The following SULT2B1 variants were observed in gnomAD, a reference collection of about 807,000 sequenced individuals.
The protein encoded by SULT2B1 is sulfotransferase family 2B member 1.
Under a neutral mutation model 33.2 loss-of-function variants are expected in SULT2B1, and 16 were observed. The ratio of observed to expected loss-of-function variants is 0.48; its 90% CI spans 0.33 to 0.73. The LOEUF (loss-of-function observed/expected upper bound fraction) is 0.73, where lower values mean the gene tolerates loss of function less well. SULT2B1 is among the 30% of genes least tolerant of loss of function. The probability of loss-of-function intolerance (pLI) is 0.02; values close to 1 mark genes in which losing one functional copy is unlikely to be tolerated. For missense variants in SULT2B1, 500 were observed against 506.0 expected (o/e 0.99, Z 0.11); for synonymous variants, 186 against 200.5 (o/e 0.93, Z 0.61).
chr19:48,554,411 C>T lies in SULT2B1; in HGVS notation c.71+2088C>T, dbSNP rs532690917. ...CCTGGCCCCGACTTCCCCCTCTGCT[C>T]GCCCCCAGCCTGTCAGTCCCCAACC... On this transcript the variant is annotated intron_variant, in intron 1 of 6. Coordinates refer to ENST00000201586, the MANE Select transcript of SULT2B1 (RefSeq NM_177973.2). Among the ~76,000 whole-genome samples the T allele has an allele frequency of 5.7e-3, 835 of 146,502 alleles. 3 individuals are homozygous for T. Among genetic ancestry groups the T allele is most frequent in the African/African-American group, 9.3e-3 (366 of 39,418 alleles).
intron 2 of SULT2B1, among the ~76,000 whole-genome samples, chr19:48,579,384 G>A (rs192424032): frequency 6.7e-4 from 101 of 149,832 alleles, no homozygotes; most frequent in Admixed American, 4.2e-3. Flanking sequence ...CCGAGTTCAC[G>A]CCATTCTCTT....
chr19:48,598,977 A>G (rs1260287233), intron 6 of SULT2B1, among the ~76,000 whole-genome samples, 158 bp from the exon 7 acceptor site: 1 of 152,052 alleles, frequency 6.6e-6, no homozygotes, highest in East Asian at 1.9e-4. Context: ...ACCATAGGAC[A>G]CAAAGGGGGC....
intron 5 of SULT2B1, 37 bp downstream of exon 5, chr19:48,592,853 C>G (rs759199438): frequency 7.2e-6 from 11 of 1,524,026 alleles, no homozygotes; most frequent in Non-Finnish European, 8.0e-6. Flanking sequence ...GCGTCCCCCC[C>G]ATACCCTCTG....
At chr19:48,581,885 TTATTA>T (rs1555733980) in intron 2 of SULT2B1, among the ~76,000 whole-genome samples, 2 of 113,710 alleles carry the variant, frequency 1.8e-5, no homozygotes, top group African/African-American at 3.1e-5. Flanking sequence ...TTTATTATTA[TTATTA>T]TATTATTATT....
At chr19:48,591,563 G>T (rs1973642725) in intron 3 of SULT2B1, 46 bp from the exon 4 acceptor site, 1 of 1,583,286 alleles carries the variant, frequency 6.3e-7, no homozygotes, top group South Asian at 1.2e-5. Context: ...CTGGGGTCTT[G>T]CCTGTGTCTG....
At chr19:48,581,647 C>T (rs1346380255) in intron 2 of SULT2B1, among the ~76,000 whole-genome samples, 7 of 149,154 alleles carry the variant, frequency 4.7e-5, no homozygotes, top group South Asian at 2.1e-4. Context: ...TTAGTAGAGA[C>T]GGGGTTTCAC....
intron 3 of SULT2B1, among the ~76,000 whole-genome samples, chr19:48,588,795 G>A (rs1180932428): frequency 6.6e-6 from 1 of 151,910 alleles, no homozygotes; most frequent in East Asian, 1.9e-4. Flanking sequence ...GGTTTCTAGA[G>A]GAAGAGCATT....
intron 6 of SULT2B1, among the ~76,000 whole-genome samples, chr19:48,597,543 C>T (rs1463234368): frequency 1.3e-5 from 2 of 152,002 alleles, no homozygotes; most frequent in African/African-American, 4.8e-5. Context: ...TGGAGTTTCA[C>T]CATGTTGGTC....
rs564914162 is a variant in SULT2B1, at chr19:48,595,359, T to C, written c.646-1380T>C. On this transcript the variant is annotated intron_variant, in intron 5 of 6. Coordinates refer to ENST00000201586, the MANE Select transcript of SULT2B1 (RefSeq NM_177973.2). ...GAGCTCCTCTCTGGCTGTGTGGCCT[T>C]GGACAAGTGTCTCTCCCTCTCTGGG... 3.6e-4 allele frequency among the ~76,000 whole-genome samples: 55 copies of C among 152,156 alleles called. 1 individual carries two copies. The highest frequency in any genetic ancestry group is 3.4e-3 in the Middle Eastern group (1 of 292).
At chr19:48,574,021 C>T (rs1973368123) in intron 1 of SULT2B1, among the ~76,000 whole-genome samples, 1 of 152,192 alleles carries the variant, frequency 6.6e-6, no homozygotes, top group South Asian at 2.1e-4. Flanking sequence ...CTACCACAGT[C>T]GGCTAATTTT....
In SULT2B1 at chr19:48,581,029, C is replaced by CTTTTTTTTT. The variant is rs57093444; in HGVS notation, c.214+4962_214+4970dup. On this transcript the variant is annotated intron_variant, in intron 2 of 6. Transcript: ENST00000201586. ...TGCTCATTAGCCATCATATATATTC[C>CTTTTTTTTT]TTTTTTTTTTTTTTTTTTTTTTTTG... Among the ~76,000 whole-genome samples the CTTTTTTTTT allele has an allele frequency of 5.5e-4, 36 of 65,092 alleles. 1 individual carries two copies. Among genetic ancestry groups the CTTTTTTTTT allele is most frequent in the African/African-American group, 7.1e-4 (11 of 15,544 alleles). 42.7% of individuals were successfully genotyped at this position (65,092 alleles called of 152,430 possible).
intron 1 of SULT2B1, among the ~76,000 whole-genome samples, chr19:48,563,730 C>T (rs545029182): frequency 5.9e-5 from 9 of 152,064 alleles, no homozygotes; most frequent in South Asian, 4.2e-4. Flanking sequence ...TTTGGGAGGC[C>T]GAGGTGGGTG....
intron 1 of SULT2B1, among the ~76,000 whole-genome samples, chr19:48,558,516 C>A (rs1312414759): frequency 6.6e-6 from 1 of 152,026 alleles, no homozygotes; most frequent in Non-Finnish European, 1.5e-5. Flanking sequence ...GGCGCCGGCA[C>A]CTTCTGATCT....
intron 2 of SULT2B1, 54 bp downstream of exon 2, chr19:48,576,137 G>A: frequency 1.4e-6 from 2 of 1,460,904 alleles, no homozygotes; most frequent in Non-Finnish European, 1.9e-6. Context: ...AGGGGGTGCG[G>A]CAGAGGACAG....
At chr19:48,573,574 G>A (rs187760337) in intron 1 of SULT2B1, among the ~76,000 whole-genome samples, 3 of 152,132 alleles carry the variant, frequency 2.0e-5, no homozygotes, top group Admixed American at 6.6e-5. Context: ...TGGCAGGGTC[G>A]GGGGACATTT....
At chr19:48,575,384 C>T (rs1973389453) in intron 1 of SULT2B1, among the ~76,000 whole-genome samples, 1 of 151,044 alleles carries the variant, frequency 6.6e-6, no homozygotes, top group Admixed American at 6.6e-5. Flanking sequence ...GTGATCCACC[C>T]GCCTTGACCT....
chr19:48,572,824 G>A (rs1487903643), intron 1 of SULT2B1, among the ~76,000 whole-genome samples: 1 of 151,960 alleles, frequency 6.6e-6, no homozygotes, highest in East Asian at 1.9e-4. Flanking sequence ...GTAGTCCATG[G>A]AGGAGGGAGG....
chr19:48,596,649 G>A (rs1973718628), intron 5 of SULT2B1, 90 bp from the exon 6 acceptor site: 1 of 1,398,874 alleles, frequency 7.1e-7, no homozygotes, highest in East Asian at 2.5e-5. Flanking sequence ...GGCAGCCCCA[G>A]GTTAGGACCC....
intron 2 of SULT2B1, among the ~76,000 whole-genome samples, chr19:48,576,344 T>C (rs1259029092): frequency 2.9e-5 from 4 of 138,778 alleles, no homozygotes; most frequent in African/African-American, 1.1e-4. Context: ...CCTTTCCCCT[T>C]TACCCTCTAC....
Sources: gnomAD v4.1 joint callset for allele counts (sites outside exome capture counted in the v4.1 genomes callset) on GRCh38, gnomAD v4.1.1 for gene constraint, MANE v1.5 for transcripts, NCBI Gene and HGNC (gene_info 2026-07-23, HGNC 2026-07-21) for gene names.